The following ROBO2 variants were observed in gnomAD, a reference collection of about 807,000 sequenced individuals.
ROBO2 encodes roundabout homolog 2.
Under a neutral mutation model 160.8 loss-of-function variants are expected in ROBO2, and 53 were observed. That is an observed-to-expected ratio of 0.33 (90% CI 0.26 to 0.41). ROBO2 has a LOEUF of 0.41. ROBO2 is among the 10% of genes least tolerant of loss of function. The pLI, the probability that ROBO2 is intolerant of heterozygous loss-of-function variation, is 1.00. For synonymous variants in ROBO2, 664 were observed against 611.7 expected (o/e 1.09, Z -1.26); for missense variants, 1,577 against 1,722.4 (o/e 0.92, Z 1.49).
At chr3:76,175,915 C>A (rs979113902) in intron 2 of ROBO2, among the ~76,000 whole-genome samples, 1 of 152,046 alleles carries the variant, frequency 6.6e-6, no homozygotes, top group African/African-American at 2.4e-5. Flanking sequence ...CACCTTTTAG[C>A]AGAAAATTCA....
At chr3:76,581,739 T>C (rs2085715613) in intron 2 of ROBO2, among the ~76,000 whole-genome samples, 1 of 152,142 alleles carries the variant, frequency 6.6e-6, no homozygotes, top group African/African-American at 2.4e-5. Context: ...AGGAGTTTAA[T>C]CTTAATTCAT....
At chr3:76,185,296 G>A (rs952114084) in intron 2 of ROBO2, among the ~76,000 whole-genome samples, 3 of 146,154 alleles carry the variant, frequency 2.1e-5, no homozygotes, top group East Asian at 2.1e-4. Context: ...ATTATTTACT[G>A]TTTTTATAAA....
intron 2 of ROBO2, among the ~76,000 whole-genome samples, chr3:76,467,163 T>G (rs558643512): frequency 1.1e-4 from 16 of 152,214 alleles, no homozygotes; most frequent in African/African-American, 3.6e-4. Context: ...TACCAACTCT[T>G]TTTAACCAAG....
At chr3:76,393,448 T>C (rs1408288544) in intron 2 of ROBO2, among the ~76,000 whole-genome samples, 2 of 152,136 alleles carry the variant, frequency 1.3e-5, no homozygotes, top group Non-Finnish European at 1.5e-5. Flanking sequence ...AAAAAGTAGT[T>C]TGTGGGGAAT....
chr3:77,345,180 GTTGACTC>G (rs1171911722), intron 2 of ROBO2, among the ~76,000 whole-genome samples: 1 of 152,178 alleles, frequency 6.6e-6, no homozygotes, highest in East Asian at 1.9e-4. Context: ...ATCAAAGGTG[GTTGACTC>G]AGAATTGACT....
At chr3:76,052,870 G>A (rs546106455) in intron 2 of ROBO2, among the ~76,000 whole-genome samples, 2 of 152,026 alleles carry the variant, frequency 1.3e-5, no homozygotes, top group Non-Finnish European at 2.9e-5. Flanking sequence ...AAATAGCTCA[G>A]TGGTCATATC....
chr3:76,871,887 G>T (rs1170947102), intron 2 of ROBO2, among the ~76,000 whole-genome samples: 12 of 152,166 alleles, frequency 7.9e-5, no homozygotes, highest in Non-Finnish European at 1.5e-5. Context: ...TGTGGCTGCA[G>T]ATGGCCATAG....
chr3:77,183,214 A>G (rs1387301647), intron 2 of ROBO2, among the ~76,000 whole-genome samples: 3 of 151,998 alleles, frequency 2.0e-5, no homozygotes, highest in African/African-American at 7.2e-5. Flanking sequence ...TCTCCCCCAT[A>G]AGCTTTAAAA....
intron 5 of ROBO2, among the ~76,000 whole-genome samples, chr3:77,508,508 A>G (rs577749123): frequency 6.7e-5 from 10 of 150,304 alleles, no homozygotes; most frequent in East Asian, 3.9e-4. Flanking sequence ...AATGTTTAGG[A>G]GTTCTCAATT....
intron 2 of ROBO2, among the ~76,000 whole-genome samples, chr3:76,110,709 T>C (rs1305266025): frequency 1.3e-5 from 2 of 152,072 alleles, no homozygotes; most frequent in African/African-American, 4.8e-5. Context: ...GGAAAAGGCA[T>C]TTATGGTACT....
intron 2 of ROBO2, among the ~76,000 whole-genome samples, chr3:76,778,911 T>C (rs1265337506): frequency 6.6e-6 from 1 of 151,088 alleles, no homozygotes; most frequent in Non-Finnish European, 1.5e-5. Flanking sequence ...CGAAAGCCTA[T>C]CAAATTGTCA....
chr3:77,527,463 C>A, intron 6 of ROBO2, 49 bp downstream of exon 7: 1 of 1,218,040 alleles, frequency 8.2e-7, no homozygotes, highest in Non-Finnish European at 1.1e-6. Context: ...CACAGTGCTT[C>A]ATAACTCATG....
intron 2 of ROBO2, among the ~76,000 whole-genome samples, chr3:77,124,679 G>A (rs1364160701): frequency 6.6e-6 from 1 of 152,066 alleles, no homozygotes; most frequent in Non-Finnish European, 1.5e-5. Flanking sequence ...TAGGTATACT[G>A]GCTTCAGAAA....
Position 76,400,444 on chromosome 3 carries a change from G to A in ROBO2, c.109+462842G>A, listed in dbSNP as rs558583825. Among the ~76,000 whole-genome samples the A allele has an allele frequency of 1.9e-4, 29 of 151,714 alleles. No homozygotes were observed. The South Asian group carries it at 6.0e-3, about 31-fold the overall frequency. On this transcript the variant is annotated intron_variant, in intron 2 of 26. Coordinates refer to the ROBO2 transcript ENST00000487694. ...CTAAGCATCATTATCACCTTAGCTA[G>A]TTGAAGAATATTCAAATTTATGGGT...
intron 2 of ROBO2, among the ~76,000 whole-genome samples, chr3:76,449,051 A>G (rs964942916): frequency 6.6e-6 from 1 of 152,124 alleles, no homozygotes; most frequent in Non-Finnish European, 1.5e-5. Context: ...TTTTTGAATG[A>G]TTTTTCATTC....
intron 2 of ROBO2, among the ~76,000 whole-genome samples, chr3:76,798,264 G>GAAAGA (rs1360307459): frequency 9.5e-6 from 1 of 105,352 alleles, no homozygotes; most frequent in Non-Finnish European, 2.0e-5. Flanking sequence ...AAGAAGGAAA[G>GAAAGA]AAAGAAAGAA....
chr3:76,930,949 T>C (rs2077298973), intron 2 of ROBO2, among the ~76,000 whole-genome samples: 1 of 152,188 alleles, frequency 6.6e-6, no homozygotes, highest in Non-Finnish European at 1.5e-5. Context: ...GGGCATCCCT[T>C]AGCCCAGTCA....
chr3:77,366,889 C>T (rs2070964664), intron 2 of ROBO2, among the ~76,000 whole-genome samples: 2 of 124,030 alleles, frequency 1.6e-5, no homozygotes, highest in Non-Finnish European at 3.6e-5. Context: ...AGAACTCTCA[C>T]AGCACCCCCC....
chr3:77,434,757 T>C (rs557019564), intron 2 of ROBO2, among the ~76,000 whole-genome samples: 1 of 152,212 alleles, frequency 6.6e-6, no homozygotes, highest in South Asian at 2.1e-4. Flanking sequence ...TGTAACAGTG[T>C]TTTTGGTGTT....
Sources: allele counts gnomAD v4.1 joint callset (sites outside exome capture counted in the v4.1 genomes callset), GRCh38; gene constraint gnomAD v4.1.1; transcripts MANE v1.5; gene names NCBI Gene and HGNC (gene_info 2026-07-23, HGNC 2026-07-21).